ENTREP2: variants seen among roughly 807,000 people sequenced by gnomAD.
The protein encoded by ENTREP2 is endosomal transmembrane epsin interactor 2.
the ENTREP2 span, among the ~76,000 whole-genome samples, chr15:29,248,846 A>G: frequency 6.6e-6 from 1 of 152,178 alleles, no homozygotes; most frequent in Non-Finnish European, 1.5e-5. Context: ...TGCACCAAAT[A>G]CTCTAAAGAT....
At chr15:29,588,490 A>G in the ENTREP2 span, among the ~76,000 whole-genome samples, 3 of 136,428 alleles carry the variant, frequency 2.2e-5, no homozygotes, top group East Asian at 2.3e-4. Flanking sequence ...AAGAGAGATC[A>G]AGAGAGAGAG....
At chr15:29,301,823 C>A in the ENTREP2 span, among the ~76,000 whole-genome samples, 1 of 152,202 alleles carries the variant, frequency 6.6e-6, no homozygotes. Context: ...CTCCAGAGAA[C>A]TTCCCAGCCC....
the ENTREP2 span, among the ~76,000 whole-genome samples, chr15:29,133,502 C>T: frequency 6.6e-6 from 1 of 152,162 alleles, no homozygotes; most frequent in Non-Finnish European, 1.5e-5. Flanking sequence ...TGGTGTGGTC[C>T]AGCCCTGCCC....
the ENTREP2 span, among the ~76,000 whole-genome samples, chr15:29,164,385 T>C: frequency 6.6e-6 from 1 of 152,224 alleles, no homozygotes; most frequent in Non-Finnish European, 1.5e-5. Flanking sequence ...ACTTTAAGGA[T>C]ACAGAACTGC....
At chr15:29,281,257 T>C in the ENTREP2 span, among the ~76,000 whole-genome samples, 1 of 152,252 alleles carries the variant, frequency 6.6e-6, no homozygotes, top group Non-Finnish European at 1.5e-5. Flanking sequence ...TATCCATTTA[T>C]GGTTTTACTT....
At chr15:29,472,226 A>C in the ENTREP2 span, among the ~76,000 whole-genome samples, 3 of 152,116 alleles carry the variant, frequency 2.0e-5, no homozygotes, top group African/African-American at 7.2e-5. Context: ...TAAATGCTGA[A>C]GCCAGGCCTG....
chr15:29,294,990 G>GC, the ENTREP2 span, among the ~76,000 whole-genome samples: 1 of 152,186 alleles, frequency 6.6e-6, no homozygotes, highest in African/African-American at 2.4e-5. Context: ...GATGGAGGGG[G>GC]ATGTGCAGAG....
chr15:29,273,496 C>T, the ENTREP2 span, among the ~76,000 whole-genome samples: 2 of 152,080 alleles, frequency 1.3e-5, no homozygotes, highest in East Asian at 1.9e-4. Flanking sequence ...CCGCTCCTGG[C>T]GTAAATTAAA....
At chr15:29,150,175 T>C in the ENTREP2 span, among the ~76,000 whole-genome samples, 2 of 152,296 alleles carry the variant, frequency 1.3e-5, no homozygotes, top group South Asian at 2.1e-4. Context: ...CACAGGTAGG[T>C]TCAGTGACAC....
chr15:29,239,721 C>A, the ENTREP2 span, among the ~76,000 whole-genome samples: 3 of 152,118 alleles, frequency 2.0e-5, no homozygotes, highest in African/African-American at 7.2e-5. Flanking sequence ...TGGGTAAGCA[C>A]AACAGAAATC....
the ENTREP2 span, among the ~76,000 whole-genome samples, chr15:29,518,263 C>T: frequency 1.3e-5 from 2 of 152,060 alleles, no homozygotes; most frequent in East Asian, 3.9e-4. Context: ...AAGTCCACAA[C>T]ACAGCATTCT....
At chr15:29,603,226 T>TAG in the ENTREP2 span, among the ~76,000 whole-genome samples, 2 of 152,252 alleles carry the variant, frequency 1.3e-5, no homozygotes, top group South Asian at 4.1e-4. Flanking sequence ...AACAAAGGCA[T>TAG]AGCTTCCAGA....
the ENTREP2 span, among the ~76,000 whole-genome samples, chr15:29,204,976 C>A: frequency 6.6e-6 from 1 of 152,084 alleles, no homozygotes; most frequent in Admixed American, 6.5e-5. Context: ...TAAACAAATC[C>A]CCATTCCCTC....
At chr15:29,449,658 T>C in the ENTREP2 span, among the ~76,000 whole-genome samples, 1 of 152,024 alleles carries the variant, frequency 6.6e-6, no homozygotes, top group Non-Finnish European at 1.5e-5. Context: ...AAGAAGAAAA[T>C]AGAAGTTTGT....
the ENTREP2 span, among the ~76,000 whole-genome samples, chr15:29,561,715 T>TA: frequency 7.0e-5 from 6 of 85,150 alleles, no homozygotes; most frequent in East Asian, 2.9e-4. Flanking sequence ...AATAATAAAA[T>TA]AAATAAATAA....
chr15:29,155,513 A>G, the ENTREP2 span, among the ~76,000 whole-genome samples: 1 of 152,044 alleles, frequency 6.6e-6, no homozygotes, highest in Non-Finnish European at 1.5e-5. Flanking sequence ...CCAGCATCCA[A>G]CTGACAACTC....
the ENTREP2 span, among the ~76,000 whole-genome samples, chr15:29,495,131 T>C: frequency 1.3e-5 from 2 of 152,238 alleles, no homozygotes; most frequent in South Asian, 2.1e-4. Context: ...TTTACCACAA[T>C]GGCAGTACCA....
chr15:29,643,825 T>C, the ENTREP2 span, among the ~76,000 whole-genome samples: 1 of 150,564 alleles, frequency 6.6e-6, no homozygotes, highest in South Asian at 2.1e-4. Context: ...CTTGAAGGAA[T>C]TGTAACTCTC....
At chr15:29,338,968 T>G in the ENTREP2 span, among the ~76,000 whole-genome samples, 21 of 152,288 alleles carry the variant, frequency 1.4e-4, no homozygotes, top group South Asian at 4.2e-4. Context: ...CCCAGTCCTC[T>G]ACATCAGGGA....
Sources: gnomAD v4.1 joint callset for allele counts (sites outside exome capture counted in the v4.1 genomes callset) on GRCh38, gnomAD v4.1.1 for gene constraint, MANE v1.5 for transcripts, NCBI Gene and HGNC (gene_info 2026-07-23, HGNC 2026-07-21) for gene names.